The following TKFC variants were observed in gnomAD, a reference collection of about 807,000 sequenced individuals.
TKFC encodes the protein triokinase and FMN cyclase.
Under a neutral mutation model 61.0 loss-of-function variants are expected in TKFC, and 46 were observed. The ratio of observed to expected loss-of-function variants is 0.75; its 90% CI spans 0.60 to 0.96. TKFC has a LOEUF of 0.96. Ranked by LOEUF, TKFC falls within the 50% of genes least tolerant of loss-of-function variation. The pLI, the probability that TKFC is intolerant of heterozygous loss-of-function variation, is 0.00. For synonymous variants in TKFC, 314 were observed against 330.1 expected (o/e 0.95, Z 0.53); for missense variants, 715 against 777.5 (o/e 0.92, Z 0.96).
intron 13 of TKFC, 126 bp from the exon 14 acceptor site, chr11:61,345,134 A>C: frequency 2.6e-6 from 2 of 780,436 alleles, no homozygotes; most frequent in East Asian, 5.4e-5. Flanking sequence ...GGATGTGGAA[A>C]GGGATCTTGG....
In TKFC at chr11:61,342,735, G is replaced by A. The variant is rs1856919523; in HGVS notation, c.776-20G>A. The A allele has an allele frequency of 1.2e-6, 2 of 1,613,974 alleles. No homozygotes were observed. The highest frequency in any genetic ancestry group is 2.2e-5 in the East Asian group (1 of 44,870). ...GAGACGCCCAGAGGGTCTCACCTGGGGTGTCATGTCTACCCGCAGGCTCCT... is the reference window on the plus strand; with the variant it reads ...GAGACGCCCAGAGGGTCTCACCTGGAGTGTCATGTCTACCCGCAGGCTCCT... On this transcript the variant is annotated intron_variant, in intron 9 of 17. Coordinates refer to ENST00000394900, the MANE Select transcript of TKFC (RefSeq NM_015533.4).
At chr11:61,345,131 G>C in intron 13 of TKFC, 129 bp from the exon 14 acceptor site, 3 of 777,152 alleles carry the variant, frequency 3.9e-6, no homozygotes, top group Non-Finnish European at 6.0e-6. Flanking sequence ...ACTGGATGTG[G>C]AAAGGGATCT....
At chr11:61,337,071 C>T (rs1209724015) in intron 2 of TKFC, among the ~76,000 whole-genome samples, 1 of 152,224 alleles carries the variant, frequency 6.6e-6, no homozygotes, top group Non-Finnish European at 1.5e-5. Context: ...CACGTGCGCT[C>T]CTCGTGTAGC....
Position 61,345,693 on chromosome 11 carries a change from C to A in TKFC, c.1452-19C>A, listed in dbSNP as rs754138060. The A allele has an allele frequency of 1.2e-6, 2 of 1,614,256 alleles. No individual in the cohort carries two copies. The highest frequency in any genetic ancestry group is 1.7e-5 in the Admixed American group (1 of 60,032). ...TTGGTTCCCTATAGTGAGCCTCTTT[C>A]ACTCTCTTTCCCTGCCAGGTATGGC... is the stretch of plus-strand genomic sequence containing the variant. On this transcript the variant is annotated intron_variant, in intron 15 of 17. Coordinates refer to ENST00000394900, the MANE Select transcript of TKFC (RefSeq NM_015533.4).
At chr11:61,353,057 A>C, downstream of TKFC, 1 of 1,614,188 alleles carries the variant, frequency 6.2e-7, no homozygotes, top group Non-Finnish European at 8.5e-7. Flanking sequence ...GGCGGCTCCA[A>C]AAAAGACGTG....
chr11:61,336,517 G>A (rs1033706571), intron 2 of TKFC: 1 of 152,270 alleles, frequency 6.6e-6, no homozygotes, highest in African/African-American at 2.4e-5. Context: ...TTTGAAAAAG[G>A]GAGTAGCTTC....
At position 61,343,979 on chromosome 11, in the gene TKFC, C is replaced by G; in HGVS notation, c.1102+4C>G. ...CCTGATTCCACTGCTGCAGGAGGTA[C>G]CAACCCCTGCCTTTGGGGAAGGGAC... On this transcript the variant is annotated splice_donor_region_variant and intron_variant, in intron 12 of 17. Transcript: ENST00000394900. 2 of 1,610,312 alleles carry G rather than the reference C, an allele frequency of 1.2e-6. No homozygotes were observed. Among genetic ancestry groups the G allele is most frequent in the Admixed American group, 1.7e-5 (1 of 59,924 alleles).
At chr11:61,352,009 G>C (rs1857435485), downstream of TKFC, 1 of 152,196 alleles carries the variant, frequency 6.6e-6, no homozygotes, top group Non-Finnish European at 1.5e-5. Context: ...GGGACTACAG[G>C]TGCATGCCAC....
In TKFC at chr11:61,333,303, G is replaced by GGATGCGGCC. The variant is rs1274848705; in HGVS notation, c.-134_-126dup. 4.6e-6 allele frequency: 1 copy of GGATGCGGCC among 218,260 alleles called. No individual in the cohort carries two copies. The highest frequency in any genetic ancestry group is 9.5e-5 in the East Asian group (1 of 10,570). The allele number at this position is 218,260 out of a possible 1,614,324, so 13.5% of individuals were successfully genotyped here. On this transcript the variant is annotated 5_prime_UTR_variant, in exon 1 of 18. The change creates a new upstream start codon in the 5' untranslated region. Coordinates refer to ENST00000394900, the MANE Select transcript of TKFC (RefSeq NM_015533.4). Reference sequence around the variant, plus strand: ...AAGTCGCGGCGCCTTCGGATGTGGCGGATGCGGCCGTGAGCCGGCGGGGGA... The same window carrying GGATGCGGCC: ...AAGTCGCGGCGCCTTCGGATGTGGCGGATGCGGCCGATGCGGCCGTGAGCCGGCGGGGGA...
chr11:61,352,984 C>T (rs371408373), downstream of TKFC: 2 of 1,614,040 alleles, frequency 1.2e-6, no homozygotes, highest in African/African-American at 2.7e-5. Context: ...ACTGCACTCA[C>T]AAACTGAAGA....
downstream of TKFC, chr11:61,351,963 GGC>G (rs1284179635): frequency 2.0e-5 from 3 of 151,962 alleles, no homozygotes; most frequent in Admixed American, 6.6e-5. Flanking sequence ...ATGTTGCCCA[GGC>G]TGGACTCCTT....
chr11:61,338,890 A>G (rs1856727013), intron 3 of TKFC, among the ~76,000 whole-genome samples, 176 bp from the exon 4 acceptor site: 1 of 152,172 alleles, frequency 6.6e-6, no homozygotes. Flanking sequence ...AGGTCACAGA[A>G]GGCCTCTCTA....
At chr11:61,339,730 C>G (rs117791887) in intron 5 of TKFC, among the ~76,000 whole-genome samples, 119 of 152,324 alleles carry the variant, frequency 7.8e-4, no homozygotes, top group Non-Finnish European at 1.5e-3. Flanking sequence ...CCTGCTTTGC[C>G]TTGGTTCAGG....
downstream of TKFC, chr11:61,352,901 T>C (rs1362332818): frequency 6.2e-7 from 1 of 1,606,930 alleles, no homozygotes; most frequent in African/African-American, 1.3e-5. Flanking sequence ...CTCCCTTGGG[T>C]GAGTCCTGTG....
chr11:61,352,682 TG>T (rs1857470660), downstream of TKFC: 5 of 637,472 alleles, frequency 7.8e-6, no homozygotes, highest in Non-Finnish European at 1.1e-5. Context: ...AAAAAGAAAA[TG>T]GCAATGACAA....
At chr11:61,344,075 A>G (rs1856998078) in intron 12 of TKFC, 61 bp from the exon 13 acceptor site, 41 of 1,604,546 alleles carry the variant, frequency 2.6e-5, no homozygotes, top group Non-Finnish European at 3.1e-5. Flanking sequence ...CTCCCACCAT[A>G]GTCAAGTGTG....
At position 61,345,459 on chromosome 11, in the gene TKFC, C is replaced by T. The variant is rs149496643; in HGVS notation, c.1348-3C>T. On this transcript the variant is annotated splice_polypyrimidine_tract_variant and splice_region_variant and intron_variant, in intron 14 of 17. Coordinates refer to ENST00000394900, the MANE Select transcript of TKFC (RefSeq NM_015533.4). The stretch of plus-strand genomic sequence containing the variant: ...ACATGCTCAGCGTTGTCATCTTCCC[C>T]AGCTCTATGGCCTGTTCCTGACTGC... 1.2e-6 allele frequency: 2 copies of T among 1,612,616 alleles called. No individual in the cohort carries two copies. Among genetic ancestry groups the T allele is most frequent in the East Asian group, 4.5e-5 (2 of 44,840 alleles).
intron 13 of TKFC, among the ~76,000 whole-genome samples, 173 bp from the exon 14 acceptor site, chr11:61,345,087 C>T (rs939106149): frequency 2.0e-5 from 3 of 152,214 alleles, no homozygotes; most frequent in East Asian, 1.9e-4. Flanking sequence ...AGGCCCCTTT[C>T]GGTTACGCAG....
chr11:61,337,664 C>T (rs1036606988), intron 2 of TKFC, among the ~76,000 whole-genome samples: 1 of 152,222 alleles, frequency 6.6e-6, no homozygotes, highest in South Asian at 2.1e-4. Context: ...CAGGCAACCA[C>T]TCCCCCATTT....
Sources: allele counts gnomAD v4.1 joint callset (sites outside exome capture counted in the v4.1 genomes callset), GRCh38; gene constraint gnomAD v4.1.1; transcripts MANE v1.5; gene names NCBI Gene and HGNC (gene_info 2026-07-23, HGNC 2026-07-21).